Variants in ATP8A2 observed in about 807,000 individuals in gnomAD.
ATP8A2 encodes the protein ATPase phospholipid transporting 8A2, also known as phospholipid-transporting ATPase IB.
Under a neutral mutation model 165.6 loss-of-function variants are expected in ATP8A2, and 100 were observed. The observed-to-expected ratio is 0.60, with a 90% CI of 0.51 to 0.71. The LOEUF is 0.71. Ranked by LOEUF, ATP8A2 falls within the 30% of genes least tolerant of loss-of-function variation. ATP8A2 has a pLI of 0.00. For missense variants in ATP8A2, 1,227 were observed against 1,479.5 expected (o/e 0.83, Z 2.80); for synonymous variants, 543 against 548.8 (o/e 0.99, Z 0.15).
intron 33 of ATP8A2, among the ~76,000 whole-genome samples, chr13:25,911,910 C>G (rs1252152533): frequency 6.6e-6 from 1 of 152,128 alleles, no homozygotes; most frequent in African/African-American, 2.4e-5. Context: ...CCCTTGTACA[C>G]TGTAGTTTGG....
chr13:25,852,278 C>T (rs960977741), intron 30 of ATP8A2, among the ~76,000 whole-genome samples: 5 of 152,094 alleles, frequency 3.3e-5, no homozygotes, highest in South Asian at 4.1e-4. Flanking sequence ...TGGCATCTAG[C>T]GGGTGGAAGC....
At chr13:25,584,696 G>A (rs879577124) in intron 23 of ATP8A2, among the ~76,000 whole-genome samples, 14 of 152,190 alleles carry the variant, frequency 9.2e-5, no homozygotes, top group Admixed American at 8.5e-4. Flanking sequence ...GACTTCTGGT[G>A]TGGGGCTTAT....
chr13:25,637,816 G>T (rs996426209), intron 24 of ATP8A2, among the ~76,000 whole-genome samples: 2 of 152,152 alleles, frequency 1.3e-5, no homozygotes, highest in African/African-American at 4.8e-5. Context: ...CTCTTCAAGT[G>T]GGTCCCTGAC....
chr13:25,810,210 A>G (rs988329035), intron 27 of ATP8A2, among the ~76,000 whole-genome samples: 1 of 152,180 alleles, frequency 6.6e-6, no homozygotes, highest in Non-Finnish European at 1.5e-5. Flanking sequence ...GAATTTACCC[A>G]TACTTCTAAT....
intron 2 of ATP8A2, among the ~76,000 whole-genome samples, chr13:25,487,339 A>G (rs917219606): frequency 1.3e-5 from 2 of 152,202 alleles, no homozygotes; most frequent in Non-Finnish European, 2.9e-5. Flanking sequence ...CTTCCATTGC[A>G]TAAGAAAAAT....
chr13:25,682,643 C>A lies in ATP8A2; in HGVS notation c.2212-16530C>A, dbSNP rs79265262. 7.7e-3 allele frequency among the ~76,000 whole-genome samples: 1,172 copies of A among 152,238 alleles called. 9 individuals are homozygous for A. Among genetic ancestry groups the A allele is most frequent in the Non-Finnish European group, 0.013 (913 of 68,008 alleles). Reference sequence around the variant, plus strand: ...CAGGCTGGCCGATTGAGTTACAGCCCGAAGAATGTTGAACCTGGTTCTCAG... The same window carrying A: ...CAGGCTGGCCGATTGAGTTACAGCCAGAAGAATGTTGAACCTGGTTCTCAG... On this transcript the variant is annotated intron_variant, in intron 24 of 36. Coordinates refer to ENST00000381655, the MANE Select transcript of ATP8A2 (RefSeq NM_016529.6).
intron 16 of ATP8A2, 122 bp from the exon 17 acceptor site, chr13:25,570,645 C>A (rs2039440655): frequency 1.3e-6 from 1 of 763,102 alleles, no homozygotes; most frequent in East Asian, 2.5e-5. Context: ...ATATTAAGGA[C>A]CTCTACCCTG....
chr13:25,381,623 G>A (rs2032839731), intron 1 of ATP8A2, among the ~76,000 whole-genome samples: 1 of 152,216 alleles, frequency 6.6e-6, no homozygotes, highest in Admixed American at 6.5e-5. Context: ...ACTATGTGAT[G>A]ATTAGTTGTC....
In ATP8A2 at chr13:25,559,423, T is replaced by C. The variant is rs147252778; in HGVS notation, c.1353-298T>C. Among the ~76,000 whole-genome samples, 1,365 of 152,274 alleles carry C rather than the reference T, an allele frequency of 9.0e-3. 9 individuals carry two copies. The highest frequency in any genetic ancestry group is 0.016 in the Non-Finnish European group (1,098 of 68,026). ...GGCATGTGCCTGTAATCCCAGCTACTCAGGAGGCTGAGGCAGGAGAATCGC... is the reference window on the plus strand; with the variant it reads ...GGCATGTGCCTGTAATCCCAGCTACCCAGGAGGCTGAGGCAGGAGAATCGC... On this transcript the variant is annotated intron_variant, in intron 14 of 36. Coordinates refer to ENST00000381655, the MANE Select transcript of ATP8A2 (RefSeq NM_016529.6).
chr13:25,576,487 C>T (rs149925717), intron 19 of ATP8A2, among the ~76,000 whole-genome samples: 3 of 151,602 alleles, frequency 2.0e-5, no homozygotes, highest in African/African-American at 7.3e-5. Context: ...AATTCATAGG[C>T]GGTGGAGACT....
At chr13:25,462,983 C>G (rs549232395) in intron 1 of ATP8A2, among the ~76,000 whole-genome samples, 147 of 152,300 alleles carry the variant, frequency 9.7e-4, no homozygotes, top group Middle Eastern at 3.4e-3. Flanking sequence ...AGCACAGTTA[C>G]AGACTGACTG....
chr13:25,883,166 C>T (rs577345830), intron 33 of ATP8A2, among the ~76,000 whole-genome samples: 103 of 152,274 alleles, frequency 6.8e-4, no homozygotes, highest in African/African-American at 2.5e-3. Context: ...GCCATTCACC[C>T]TCAGCTCCCC....
At chr13:25,557,750 A>G (rs1170550731) in intron 13 of ATP8A2, among the ~76,000 whole-genome samples, 1 of 152,108 alleles carries the variant, frequency 6.6e-6, no homozygotes, top group East Asian at 1.9e-4. Context: ...TTCAAGAAGT[A>G]CCCATGGATG....
At position 25,964,992 on chromosome 13, in the gene ATP8A2, T is replaced by C. The variant is rs1377391166; in HGVS notation, c.3272+3329T>C. Among the ~76,000 whole-genome samples, 3 of 152,060 alleles carry C rather than the reference T, an allele frequency of 2.0e-5. No individual in the cohort carries two copies. In the South Asian group the frequency reaches 6.2e-4, roughly 32 times the overall value. ...CCGGCCAACATGGTGAAACCCTGTC[T>C]CTACAAAAATACAAAAATTAGTTGG... On this transcript the variant is annotated intron_variant, in intron 34 of 36. Transcript: ENST00000381655.
intron 10 of ATP8A2, among the ~76,000 whole-genome samples, chr13:25,547,595 C>T (rs1451045078): frequency 6.6e-6 from 1 of 152,170 alleles, no homozygotes; most frequent in Non-Finnish European, 1.5e-5. Flanking sequence ...TATTTCACTA[C>T]ACACTACAAT....
intron 35 of ATP8A2, among the ~76,000 whole-genome samples, chr13:25,996,847 C>A (rs1956519129): frequency 6.6e-6 from 1 of 152,250 alleles, no homozygotes; most frequent in Non-Finnish European, 1.5e-5. Context: ...ACACACCTGG[C>A]TAATTTTTGT....
intron 33 of ATP8A2, among the ~76,000 whole-genome samples, chr13:25,946,123 G>A (rs1271814456): frequency 2.0e-5 from 3 of 152,008 alleles, no homozygotes; most frequent in Non-Finnish European, 2.9e-5. Context: ...TTTGAGTGTC[G>A]CAGTCTAAGG....
At chr13:25,918,221 T>C (rs764260207) in intron 33 of ATP8A2, among the ~76,000 whole-genome samples, 2 of 152,152 alleles carry the variant, frequency 1.3e-5, no homozygotes, top group African/African-American at 4.8e-5. Context: ...CTGATAAAAA[T>C]AAAATGCCTC....
chr13:25,752,798 C>A (rs2044180022), intron 25 of ATP8A2, among the ~76,000 whole-genome samples: 1 of 152,156 alleles, frequency 6.6e-6, no homozygotes, highest in Non-Finnish European at 1.5e-5. Flanking sequence ...GTTTCCTCTA[C>A]CTCAGATTCT....
Sources: allele counts gnomAD v4.1 joint callset (sites outside exome capture counted in the v4.1 genomes callset), GRCh38; gene constraint gnomAD v4.1.1; transcripts MANE v1.5; gene names NCBI Gene and HGNC (gene_info 2026-07-23, HGNC 2026-07-21).